Variants in NSMCE1 observed in about 807,000 individuals in gnomAD.
The protein encoded by NSMCE1 is non-structural maintenance of chromosomes element 1 homolog.
Under a neutral mutation model 29.6 loss-of-function variants are expected in NSMCE1, and 18 were observed. That is an observed-to-expected ratio of 0.61 (90% CI 0.42 to 0.90). NSMCE1 has a LOEUF of 0.90. NSMCE1 is among the 40% of genes least tolerant of loss of function. The probability of loss-of-function intolerance (pLI) is 0.00; values close to 1 mark genes in which losing one functional copy is unlikely to be tolerated. For missense variants in NSMCE1, 314 were observed against 343.6 expected (o/e 0.91, Z 0.68); for synonymous variants, 124 against 133.4 (o/e 0.93, Z 0.49).
At chr16:27,244,331 C>T (rs767458384) in intron 2 of NSMCE1, among the ~76,000 whole-genome samples, 2 of 152,236 alleles carry the variant, frequency 1.3e-5, no homozygotes, top group Non-Finnish European at 1.5e-5. Context: ...GACAGGCGCA[C>T]GCCCTTCCCT....
In NSMCE1 at chr16:27,232,878, C is replaced by A. The variant is rs1302902448; in HGVS notation, c.483+123G>T. ...GGGTCACTGCTGGAATGCATGAAAG[C>A]AGATAAGGGATCCGAGAAGGCCGGG... On this transcript the variant is annotated intron_variant, in intron 5 of 7. Transcript: ENST00000361439. The surrounding 1 kb of genome is among the most constrained non-coding windows in gnomAD (Gnocchi z 4.5). 1.2e-5 allele frequency: 12 copies of A among 976,310 alleles called. No individual in the cohort carries two copies. Among genetic ancestry groups the A allele is most frequent in the East Asian group, 7.3e-5 (3 of 40,920 alleles). 60.5% of individuals were successfully genotyped at this position (976,310 alleles called of 1,614,324 possible).
rs773952278 is a variant in NSMCE1, at chr16:27,225,179, G to C, written c.779C>G (p.Ser260Cys). The change falls in exon 8 of 8, where the codon TCC becomes TGC. Residue 260 changes from serine to cysteine, a missense_variant. Ser to Cys is a moderately radical substitution (Grantham distance 112). Coordinates refer to ENST00000361439, the MANE Select transcript of NSMCE1 (RefSeq NM_145080.4). ...ESGVLKSNKK[S>C]LRSRQH is the part of the protein sequence containing the mutation. The stretch of plus-strand genomic sequence containing the variant: ...TGGCTAATGCTGCCTGGACCGCAGG[G>C]ACTTTTTGTTCGATTTCAAGACACC... 1.2e-6 allele frequency: 2 copies of C among 1,605,170 alleles called. No individual in the cohort carries two copies. Among genetic ancestry groups the C allele is most frequent in the Non-Finnish European group, 8.5e-7 (1 of 1,174,686 alleles).
chr16:27,249,118 C>A (rs979838041), intron 2 of NSMCE1, among the ~76,000 whole-genome samples: 5 of 152,228 alleles, frequency 3.3e-5, no homozygotes, highest in African/African-American at 1.2e-4. Flanking sequence ...GTGTGAGCCA[C>A]CACGCCCAGC....
chr16:27,234,028 T>C, intron 4 of NSMCE1, 160 bp downstream of exon 4: 1 of 610,328 alleles, frequency 1.6e-6, no homozygotes, highest in Non-Finnish European at 2.9e-6. Context: ...TCCAGATGGG[T>C]AGACAGTGAC....
intron 2 of NSMCE1, among the ~76,000 whole-genome samples, chr16:27,237,401 G>C (rs527888767): frequency 6.6e-6 from 1 of 152,176 alleles, no homozygotes; most frequent in Non-Finnish European, 1.5e-5. Context: ...TTCTGCCCCC[G>C]GTGCTGTCTT....
intron 2 of NSMCE1, among the ~76,000 whole-genome samples, chr16:27,245,065 T>C (rs2083940358): frequency 6.6e-6 from 1 of 152,128 alleles, no homozygotes; most frequent in Non-Finnish European, 1.5e-5. Flanking sequence ...TGGGATTAGA[T>C]GGCAAGTTAA....
chr16:27,260,024 T>C (rs984997793), intron 1 of NSMCE1, among the ~76,000 whole-genome samples: 1 of 151,806 alleles, frequency 6.6e-6, no homozygotes, highest in Non-Finnish European at 1.5e-5. Context: ...CCAAAGCATA[T>C]AGTTCAGGAA....
chr16:27,240,531 G>A (rs940459208), intron 2 of NSMCE1, among the ~76,000 whole-genome samples: 1 of 152,154 alleles, frequency 6.6e-6, no homozygotes, highest in Non-Finnish European at 1.5e-5. Context: ...CAGGTCCAGC[G>A]TGCAGGGACA....
intron 2 of NSMCE1, among the ~76,000 whole-genome samples, chr16:27,255,352 G>C (rs1005969872): frequency 7.2e-5 from 11 of 152,138 alleles, no homozygotes; most frequent in Admixed American, 7.2e-4. Context: ...TCTCTGCTTT[G>C]AATACTTCAA....
At chr16:27,235,085 CAA>C (rs1815462080) in intron 3 of NSMCE1, 91 bp downstream of exon 3, 3 of 1,273,570 alleles carry the variant, frequency 2.4e-6, no homozygotes, top group Non-Finnish European at 1.1e-6. Flanking sequence ...AAGAACTGTC[CAA>C]AAGAGAAATC....
chr16:27,268,477 G>C (rs185556190), intron 1 of NSMCE1: 1 of 152,168 alleles, frequency 6.6e-6, no homozygotes, highest in Non-Finnish European at 1.5e-5. Context: ...TGTGTTGCGG[G>C]AGGACATCCC....
At position 27,234,270 on chromosome 16, in the gene NSMCE1, GAAAT is replaced by G; in HGVS notation, c.259-9_259-6del. ...TGAAGTTGTAGCAAGATTCACCTAAGAAATAAGTCAGCACGACAGTCAGGCTGTG... is the reference window on the plus strand; with the variant it reads ...TGAAGTTGTAGCAAGATTCACCTAAGAAGTCAGCACGACAGTCAGGCTGTG... On this transcript the variant is annotated splice_polypyrimidine_tract_variant and splice_region_variant and intron_variant, in intron 3 of 7. Transcript: ENST00000361439. 1 of 1,605,360 alleles carries G rather than the reference GAAAT, an allele frequency of 6.2e-7. No individual in the cohort carries two copies. Among genetic ancestry groups the G allele is most frequent in the Non-Finnish European group, 8.5e-7 (1 of 1,171,962 alleles).
chr16:27,234,329 G>A (rs533574976), intron 3 of NSMCE1, 64 bp from the exon 4 acceptor site: 18 of 1,096,754 alleles, frequency 1.6e-5, no homozygotes, highest in South Asian at 1.4e-4. Flanking sequence ...CGTGTCGCTG[G>A]CTCTCCCTCC....
At chr16:27,229,098 C>T (rs571118049) in intron 5 of NSMCE1, among the ~76,000 whole-genome samples, 5 of 152,332 alleles carry the variant, frequency 3.3e-5, no homozygotes, top group African/African-American at 1.2e-4. Flanking sequence ...GCGTATCTCC[C>T]GGGCTGCCCT....
chr16:27,228,935 C>T (rs1254546573), intron 5 of NSMCE1, among the ~76,000 whole-genome samples: 1 of 152,060 alleles, frequency 6.6e-6, no homozygotes, highest in Non-Finnish European at 1.5e-5. Context: ...GGCCTCCACC[C>T]TCTTCCACCC....
Position 27,225,749 on chromosome 16 carries a change from T to C in NSMCE1, c.698A>G (p.Asp233Gly). The change falls in exon 7 of 8, where the codon GAC becomes GGC. Residue 233 changes from aspartate (D) to glycine (G), a missense_variant. Coordinates refer to ENST00000361439, the MANE Select transcript of NSMCE1 (RefSeq NM_145080.4). ...ACTTGGGATCTCGTGGGGCCAGTAGTCGTTGCAGTGGGGGCAGCGCGGTTC... is the reference window on the plus strand; with the variant it reads ...ACTTGGGATCTCGTGGGGCCAGTAGCCGTTGCAGTGGGGGCAGCGCGGTTC... Reference protein sequence around the residue: ...NAEPRCPHCNDYWPHEIPKVF... With the variant: ...NAEPRCPHCNGYWPHEIPKVF... 6.2e-7 allele frequency: 1 copy of C among 1,614,166 alleles called. No individual in the cohort carries two copies. Among genetic ancestry groups the C allele is most frequent in the East Asian group, 2.2e-5 (1 of 44,872 alleles).
intron 1 of NSMCE1, among the ~76,000 whole-genome samples, chr16:27,261,843 T>C (rs895792586): frequency 6.6e-6 from 1 of 152,200 alleles, no homozygotes; most frequent in Non-Finnish European, 1.5e-5. Context: ...AATCCAGATA[T>C]GTAAAAGGAA....
At chr16:27,234,468 C>A (rs2083797566) in intron 3 of NSMCE1, among the ~76,000 whole-genome samples, 1 of 152,178 alleles carries the variant, frequency 6.6e-6, no homozygotes, top group African/African-American at 2.4e-5. Context: ...GCTGGGCCCT[C>A]AGAAGTTTCA....
At chr16:27,230,801 C>G (rs545190634) in intron 5 of NSMCE1, 5 of 152,496 alleles carry the variant, frequency 3.3e-5, no homozygotes, top group Non-Finnish European at 7.3e-5. Flanking sequence ...CACCCTCCCT[C>G]GAGCTCAGAG....
Sources: gnomAD v4.1 joint callset for allele counts (sites outside exome capture counted in the v4.1 genomes callset) on GRCh38, gnomAD v4.1.1 for gene constraint, Gnocchi (gnomAD v3.1) non-coding constraint, MANE v1.5 for transcripts, NCBI Gene and HGNC (gene_info 2026-07-23, HGNC 2026-07-21) for gene names.